TBC1D1: variants seen among roughly 807,000 people sequenced by gnomAD.
TBC1D1 encodes the protein TBC1 (tre-2/USP6, BUB2, cdc16) domain family, member 1.
In TBC1D1, 89 loss-of-function variants were observed where a neutral mutation model predicts 125.6. That is an observed-to-expected ratio of 0.71 (90% CI 0.60 to 0.85). The LOEUF is 0.85. TBC1D1 is among the 40% of genes least tolerant of loss of function. The probability of loss-of-function intolerance (pLI) is 0.00; values close to 1 mark genes in which losing one functional copy is unlikely to be tolerated. For synonymous variants in TBC1D1, 565 were observed against 564.1 expected, an observed-to-expected ratio of 1.00 and a Z score of -0.02; for missense variants, 1,377 against 1,469.2, an observed-to-expected ratio of 0.94 and a Z score of 1.03.
At chr4:38,046,717 GT>G (rs1749557806) in intron 10 of TBC1D1, among the ~76,000 whole-genome samples, 1 of 152,150 alleles carries the variant, frequency 6.6e-6, no homozygotes, top group Non-Finnish European at 1.5e-5. Flanking sequence ...AAACATTACT[GT>G]TTTATTTAAA....
intron 2 of TBC1D1, among the ~76,000 whole-genome samples, chr4:37,983,131 T>G (rs1245339237): frequency 2.0e-5 from 3 of 150,384 alleles, no homozygotes; most frequent in African/African-American, 7.4e-5. Flanking sequence ...CTTTTTTTTT[T>G]TTTTTTTTTT....
chr4:38,016,079 C>T (rs958008379), intron 3 of TBC1D1, among the ~76,000 whole-genome samples: 1 of 152,220 alleles, frequency 6.6e-6, no homozygotes, highest in Admixed American at 6.5e-5. Flanking sequence ...GAAATGCAGC[C>T]GTGAACAAGA....
At chr4:38,013,702 G>C (rs1480369718) in intron 2 of TBC1D1, among the ~76,000 whole-genome samples, 1 of 152,204 alleles carries the variant, frequency 6.6e-6, no homozygotes, top group African/African-American at 2.4e-5. Context: ...AATGATGAGA[G>C]GATGTAGCAG....
chr4:37,947,974 C>G (rs753176317), intron 2 of TBC1D1, among the ~76,000 whole-genome samples: 2 of 151,706 alleles, frequency 1.3e-5, no homozygotes, highest in Non-Finnish European at 2.9e-5. Flanking sequence ...TGTCAGTTAA[C>G]GATAATAATA....
chr4:37,984,231 G>A (rs1734965533), intron 2 of TBC1D1, among the ~76,000 whole-genome samples: 2 of 152,150 alleles, frequency 1.3e-5, no homozygotes, highest in South Asian at 2.1e-4. Context: ...ACATCTCTGT[G>A]TAGGTTTTTG....
intron 2 of TBC1D1, among the ~76,000 whole-genome samples, chr4:37,916,350 G>A (rs531591742): frequency 0.018 from 2,680 of 150,280 alleles, 81 homozygotes; most frequent in African/African-American, 0.062. Context: ...GTATATATGT[G>A]TATATATACA....
intron 14 of TBC1D1, among the ~76,000 whole-genome samples, chr4:38,098,502 A>T (rs181760954): frequency 6.6e-6 from 1 of 152,320 alleles, no homozygotes; most frequent in African/African-American, 2.4e-5. Flanking sequence ...CTGGGTAGTG[A>T]AAGTTGGGCA....
chr4:38,007,593 C>G (rs1331887164), intron 2 of TBC1D1, among the ~76,000 whole-genome samples: 1 of 152,226 alleles, frequency 6.6e-6, no homozygotes, highest in Non-Finnish European at 1.5e-5. Flanking sequence ...GCACCCTGTA[C>G]TGAGATTTTG....
At chr4:37,919,340 G>GTTTT (rs60078358) in intron 2 of TBC1D1, among the ~76,000 whole-genome samples, 9 of 140,894 alleles carry the variant, frequency 6.4e-5, no homozygotes, top group African/African-American at 1.8e-4. Flanking sequence ...GTTTGTTTTT[G>GTTTT]TTTTTTTTTT....
At chr4:38,090,198 T>C (rs1758196717) in intron 13 of TBC1D1, 81 bp downstream of exon 15, 3 of 1,395,040 alleles carry the variant, frequency 2.2e-6, no homozygotes, top group Non-Finnish European at 3.0e-6. Context: ...AAGCATGCTG[T>C]CTTAAAAATA....
chr4:38,035,913 A>T (rs1292751731), intron 8 of TBC1D1, among the ~76,000 whole-genome samples: 1 of 152,208 alleles, frequency 6.6e-6, no homozygotes, highest in Non-Finnish European at 1.5e-5. Flanking sequence ...GAGGCAGAAC[A>T]GTTGCTCTAA....
intron 18 of TBC1D1, among the ~76,000 whole-genome samples, chr4:38,128,905 G>T (rs773521721): frequency 3.3e-5 from 5 of 152,230 alleles, no homozygotes; most frequent in Non-Finnish European, 5.9e-5. Flanking sequence ...TGGGTGCTCT[G>T]TGGCTGTGAA....
intron 10 of TBC1D1, among the ~76,000 whole-genome samples, chr4:38,048,988 G>C (rs575704944): frequency 6.6e-6 from 1 of 152,262 alleles, no homozygotes; most frequent in South Asian, 2.1e-4. Flanking sequence ...ACTTTTGGTT[G>C]TATCATCTTG....
At chr4:38,027,218 C>T (rs1745238482) in intron 6 of TBC1D1, among the ~76,000 whole-genome samples, 1 of 152,192 alleles carries the variant, frequency 6.6e-6, no homozygotes, top group Non-Finnish European at 1.5e-5. Context: ...GCATCCTCTT[C>T]ATCAGATTGT....
intron 13 of TBC1D1, among the ~76,000 whole-genome samples, chr4:38,093,527 C>T (rs938262081): frequency 1.4e-5 from 2 of 144,438 alleles, no homozygotes; most frequent in Non-Finnish European, 3.0e-5. Context: ...TTTCCCCCCC[C>T]TTTTTTTTTT....
chr4:38,110,061 T>G, intron 15 of TBC1D1: 2 of 227,492 alleles, frequency 8.8e-6, no homozygotes, highest in Non-Finnish European at 1.5e-5. Flanking sequence ...AGAGCCACCG[T>G]GAGACTGAAT....
chr4:37,956,784 T>TA (rs1268969017), intron 2 of TBC1D1, among the ~76,000 whole-genome samples: 1 of 151,730 alleles, frequency 6.6e-6, no homozygotes, highest in East Asian at 1.9e-4. Context: ...CCATGTCTAC[T>TA]AAAAATTAGC....
intron 14 of TBC1D1, among the ~76,000 whole-genome samples, chr4:38,101,549 A>G (rs1760335981): frequency 6.6e-6 from 1 of 152,248 alleles, no homozygotes; most frequent in Non-Finnish European, 1.5e-5. Flanking sequence ...CATGCAAAGC[A>G]TTAGTTAGAG....
intron 12 of TBC1D1, among the ~76,000 whole-genome samples, chr4:38,083,636 C>T (rs539765188): frequency 2.8e-4 from 42 of 152,262 alleles, no homozygotes; most frequent in African/African-American, 9.6e-4. Context: ...ATGCAGATTT[C>T]GCAGATTAGG....
Sources: allele counts gnomAD v4.1 joint callset (sites outside exome capture counted in the v4.1 genomes callset), GRCh38; gene constraint gnomAD v4.1.1; transcripts MANE v1.5; gene names NCBI Gene and HGNC (gene_info 2026-07-23, HGNC 2026-07-21).